UBE2G1: variants seen among roughly 807,000 people sequenced by gnomAD.
UBE2G1 encodes ubiquitin conjugating enzyme E2 G1, also known as ubiquitin-conjugating enzyme E2 G1.
Under a neutral mutation model 22.7 loss-of-function variants are expected in UBE2G1, and 5 were observed. The ratio of observed to expected loss-of-function variants is 0.22; its 90% CI spans 0.12 to 0.46. UBE2G1 has a LOEUF of 0.46. UBE2G1 is among the 20% of genes least tolerant of loss of function. UBE2G1 has a pLI of 0.99. For missense variants in UBE2G1, 88 were observed against 203.9 expected (o/e 0.43, Z 3.46); for synonymous variants, 74 against 67.5 (o/e 1.10, Z -0.47).
At chr17:4,286,168 G>A (rs1185798680) in intron 4 of UBE2G1, among the ~76,000 whole-genome samples, 1 of 152,186 alleles carries the variant, frequency 6.6e-6, no homozygotes, top group Non-Finnish European at 1.5e-5. Context: ...ACTTTGGGAA[G>A]CCGAGGTGAG....
At chr17:4,360,532 T>TCCA (rs1306396088) in intron 1 of UBE2G1, among the ~76,000 whole-genome samples, 7 of 152,230 alleles carry the variant, frequency 4.6e-5, no homozygotes, top group Admixed American at 3.3e-4. Context: ...CCACCCTAGA[T>TCCA]CCACTCTATT....
At chr17:4,304,038 G>A (rs1455305913) in intron 2 of UBE2G1, among the ~76,000 whole-genome samples, 3 of 152,172 alleles carry the variant, frequency 2.0e-5, no homozygotes, top group African/African-American at 4.8e-5. Flanking sequence ...TTGTTTGTTT[G>A]TTTAAGACAG....
In UBE2G1 at chr17:4,301,497, G is replaced by A. The variant is rs376372370; in HGVS notation, c.150-4683C>T. ...TAATCCTGCTGCCCTTCAGACTCAG[G>A]ATAAACGGAACAGGCAGGTGAACAC... is the stretch of plus-strand genomic sequence containing the variant. On this transcript the variant is annotated intron_variant, in intron 2 of 5. Coordinates refer to ENST00000396981, the MANE Select transcript of UBE2G1 (RefSeq NM_003342.5). 9 of 921,212 alleles carry A rather than the reference G, an allele frequency of 9.8e-6. No individual in the cohort carries two copies. In the African/African-American group the frequency reaches 1.3e-4, roughly 13 times the overall value. 57.1% of individuals were successfully genotyped at this position (921,212 alleles called of 1,614,324 possible).
chr17:4,338,364 C>A (rs1306928244), intron 1 of UBE2G1, among the ~76,000 whole-genome samples: 1 of 152,012 alleles, frequency 6.6e-6, no homozygotes, highest in East Asian at 1.9e-4. Context: ...ATTTTAAACA[C>A]AGATACAATG....
At chr17:4,329,464 A>C (rs1300355151) in intron 1 of UBE2G1, among the ~76,000 whole-genome samples, 1 of 151,826 alleles carries the variant, frequency 6.6e-6, no homozygotes, top group Non-Finnish European at 1.5e-5. Context: ...AGGCTGAGGC[A>C]GGAGGATCGC....
At chr17:4,335,345 T>A (rs1969632952) in intron 1 of UBE2G1, 1 of 152,000 alleles carries the variant, frequency 6.6e-6, no homozygotes, top group Non-Finnish European at 1.5e-5. Context: ...AAAAAAACAG[T>A]CAGGCTGGCC....
At chr17:4,358,966 TAAA>T (rs966881436) in intron 1 of UBE2G1, among the ~76,000 whole-genome samples, 2 of 139,184 alleles carry the variant, frequency 1.4e-5, no homozygotes, top group African/African-American at 5.3e-5. Flanking sequence ...AAAATAAAAT[TAAA>T]AAAAAAAAAG....
At chr17:4,322,364 G>A (rs1303073678) in intron 1 of UBE2G1, among the ~76,000 whole-genome samples, 1 of 152,210 alleles carries the variant, frequency 6.6e-6, no homozygotes, top group Non-Finnish European at 1.5e-5. Context: ...CTCACCCTCT[G>A]TTGTATCTTC....
rs982220706 is a variant in UBE2G1, at chr17:4,366,421, C to T, written c.-105G>A. The T allele has an allele frequency of 3.4e-6, 4 of 1,167,176 alleles. No individual in the cohort carries two copies. The highest frequency in any genetic ancestry group is 4.4e-6 in the Non-Finnish European group (4 of 899,352). The allele number at this position is 1,167,176 out of a possible 1,614,324, so 72.3% of individuals were successfully genotyped here. ...GTGCCGAGGAACCCGGGCCCCGCGACCGGAGCGCCGGAGCCGAGGAAGGCC... is the reference window on the plus strand; with the variant it reads ...GTGCCGAGGAACCCGGGCCCCGCGATCGGAGCGCCGGAGCCGAGGAAGGCC... On this transcript the variant is annotated 5_prime_UTR_variant, in exon 1 of 6. Coordinates refer to ENST00000396981, the MANE Select transcript of UBE2G1 (RefSeq NM_003342.5).
At chr17:4,328,657 G>A (rs1485854266) in intron 1 of UBE2G1, among the ~76,000 whole-genome samples, 1 of 152,166 alleles carries the variant, frequency 6.6e-6, no homozygotes, top group Non-Finnish European at 1.5e-5. Flanking sequence ...CAACCCTGAA[G>A]TTATTTATAC....
At chr17:4,350,458 C>CA (rs914709559) in intron 1 of UBE2G1, among the ~76,000 whole-genome samples, 26 of 149,830 alleles carry the variant, frequency 1.7e-4, no homozygotes, top group East Asian at 5.9e-4. Context: ...GACCCTGTCT[C>CA]AAAAAAAACA....
intron 2 of UBE2G1, among the ~76,000 whole-genome samples, chr17:4,297,387 A>C (rs1479728388): frequency 6.6e-6 from 1 of 152,196 alleles, no homozygotes; most frequent in Non-Finnish European, 1.5e-5. Context: ...GACTTTCCAG[A>C]ACAGCACTGT....
Position 4,366,435 on chromosome 17 carries a change from C to G in UBE2G1, c.-119G>C. The G allele has an allele frequency of 9.6e-7, 1 of 1,042,036 alleles. No individual in the cohort carries two copies. Among genetic ancestry groups the G allele is most frequent in the Non-Finnish European group, 1.3e-6 (1 of 788,434 alleles). 64.5% of individuals were successfully genotyped at this position (1,042,036 alleles called of 1,614,324 possible). A position where few individuals can be genotyped will look rare whatever the true frequency, so the allele number is the denominator to read the frequency against. Reference sequence around the variant, plus strand: ...GGGCCCCGCGACCGGAGCGCCGGAGCCGAGGAAGGCCGGGCTGAGGCGGCG... The same window carrying G: ...GGGCCCCGCGACCGGAGCGCCGGAGGCGAGGAAGGCCGGGCTGAGGCGGCG... On this transcript the variant is annotated 5_prime_UTR_variant, in exon 1 of 6. Transcript: ENST00000396981.
chr17:4,305,292 A>G (rs971601594), intron 2 of UBE2G1, among the ~76,000 whole-genome samples: 2 of 152,200 alleles, frequency 1.3e-5, no homozygotes, highest in African/African-American at 4.8e-5. Flanking sequence ...GCATTCTAAA[A>G]GGCTTACTTC....
intron 1 of UBE2G1, among the ~76,000 whole-genome samples, chr17:4,315,512 G>A (rs530475934): frequency 2.8e-4 from 42 of 151,904 alleles, no homozygotes; most frequent in African/African-American, 9.2e-4. Context: ...AGGCTGAGAC[G>A]GGCGGATCAT....
intron 4 of UBE2G1, among the ~76,000 whole-genome samples, chr17:4,284,970 G>A (rs374794369): frequency 6.6e-5 from 10 of 150,782 alleles, no homozygotes; most frequent in Admixed American, 3.3e-4. Flanking sequence ...CTCAGCCTCC[G>A]AAGCGTCTAG....
At chr17:4,282,543 C>T (rs1268344736) in intron 5 of UBE2G1, among the ~76,000 whole-genome samples, 1 of 152,126 alleles carries the variant, frequency 6.6e-6, no homozygotes, top group East Asian at 1.9e-4. Flanking sequence ...TCATTAGAAA[C>T]TTTACCATCA....
At chr17:4,331,734 G>C (rs1172770431) in intron 1 of UBE2G1, 1 of 152,218 alleles carries the variant, frequency 6.6e-6, no homozygotes. Flanking sequence ...AACGTGAACT[G>C]AGTAAGCAGA....
chr17:4,364,022 T>A (rs1322878191), intron 1 of UBE2G1: 5 of 148,208 alleles, frequency 3.4e-5, no homozygotes, highest in Non-Finnish European at 7.4e-5. Flanking sequence ...CCCAATACTT[T>A]GGGAGGCCCA....
Sources: allele counts gnomAD v4.1 joint callset (sites outside exome capture counted in the v4.1 genomes callset), GRCh38; gene constraint gnomAD v4.1.1; transcripts MANE v1.5; gene names NCBI Gene and HGNC (gene_info 2026-07-23, HGNC 2026-07-21).